The following ATP10A variants were observed in gnomAD, a reference collection of about 807,000 sequenced individuals.
ATP10A encodes the protein ATPase phospholipid transporting 10A (putative).
ATP10A carries 111 observed loss-of-function variants against 147.8 expected under a neutral mutation model. The observed-to-expected ratio is 0.75, with a 90% confidence interval of 0.64 to 0.88. The LOEUF is 0.88. Among genes scored for constraint, ATP10A ranks in the 40% least tolerant of loss-of-function variants. The probability of loss-of-function intolerance (pLI) is 0.00; values close to 1 mark genes in which losing one functional copy is unlikely to be tolerated. For missense variants in ATP10A, 1,927 were observed against 1,959.0 expected, an observed-to-expected ratio of 0.98 and a Z score of 0.31; for synonymous variants, 875 against 841.6, an observed-to-expected ratio of 1.04 and a Z score of -0.69.
chr15:25,827,678 G>A (rs1051276394), intron 1 of ATP10A, among the ~76,000 whole-genome samples: 3 of 152,130 alleles, frequency 2.0e-5, no homozygotes, highest in Non-Finnish European at 4.4e-5. Flanking sequence ...AGATAAAAAT[G>A]GCACACAAGC....
chr15:25,727,410 C>T, intron 3 of ATP10A, 144 bp from the exon 4 acceptor site: 1 of 680,068 alleles, frequency 1.5e-6, no homozygotes, highest in Non-Finnish European at 2.5e-6. Flanking sequence ...ACAGGGGGCC[C>T]CCGAGAGTGG....
At chr15:25,730,389 T>C (rs11630831) in intron 3 of ATP10A, among the ~76,000 whole-genome samples, 144,666 of 151,436 alleles carry the variant, frequency 0.96, 69,415 homozygotes, top group East Asian at 1. Context: ...TGCTCCCTCC[T>C]AGAGAGGCAG....
chr15:25,688,839 G>A (rs1899848068), intron 15 of ATP10A, among the ~76,000 whole-genome samples: 1 of 152,158 alleles, frequency 6.6e-6, no homozygotes, highest in Non-Finnish European at 1.5e-5. Flanking sequence ...TCTACCTCTT[G>A]CTGTCAACAC....
At chr15:25,715,332 G>C (rs1340424201) in intron 9 of ATP10A, among the ~76,000 whole-genome samples, 2 of 152,128 alleles carry the variant, frequency 1.3e-5, no homozygotes, top group South Asian at 4.1e-4. Flanking sequence ...CTCGAAGGTG[G>C]CGCTCACCAA....
At chr15:25,835,944 G>C (rs967467234) in intron 1 of ATP10A, among the ~76,000 whole-genome samples, 25 of 152,314 alleles carry the variant, frequency 1.6e-4, no homozygotes, top group African/African-American at 5.5e-4. Flanking sequence ...CTCCCGAGTA[G>C]CTGGGACCAC....
At chr15:25,771,911 C>T (rs1889358685) in intron 2 of ATP10A, among the ~76,000 whole-genome samples, 1 of 152,022 alleles carries the variant, frequency 6.6e-6, no homozygotes, top group African/African-American at 2.4e-5. Flanking sequence ...CACCACCACG[C>T]CTGGATAATT....
At chr15:25,780,849 A>C (rs1247477985) in intron 2 of ATP10A, among the ~76,000 whole-genome samples, 170 bp downstream of exon 2, 1 of 152,208 alleles carries the variant, frequency 6.6e-6, no homozygotes, top group African/African-American at 2.4e-5. Context: ...CAGGCGGGTC[A>C]TGGGCTCAGG....
At chr15:25,690,158 A>G (rs969198552) in intron 15 of ATP10A, among the ~76,000 whole-genome samples, 1 of 152,012 alleles carries the variant, frequency 6.6e-6, no homozygotes, top group Non-Finnish European at 1.5e-5. Context: ...CAAACAGTTG[A>G]TAAACACGCA....
intron 2 of ATP10A, among the ~76,000 whole-genome samples, chr15:25,772,884 T>A (rs1374287917): frequency 6.6e-6 from 1 of 152,140 alleles, no homozygotes; most frequent in African/African-American, 2.4e-5. Flanking sequence ...AAGGGCTTTG[T>A]GAAAACTGAC....
rs1164872966 is a variant in ATP10A, at chr15:25,820,674, G to A, written c.450-39451C>T. On this transcript the variant is annotated intron_variant, in intron 1 of 20. Transcript: ENST00000555815. ...AATGTTTTAAAAAGAGTACAATAAA[G>A]GTCGAATTTTATGTGGTAAAGAAGA... is the stretch of plus-strand genomic sequence containing the variant. Among the ~76,000 whole-genome samples the A allele has an allele frequency of 9.2e-5, 14 of 152,244 alleles. No individual in the cohort carries two copies. The East Asian group carries it at 2.7e-3, about 29-fold the overall frequency.
At chr15:25,706,026 C>T (rs989793735) in intron 12 of ATP10A, among the ~76,000 whole-genome samples, 6 of 152,106 alleles carry the variant, frequency 3.9e-5, no homozygotes, top group South Asian at 2.1e-4. Context: ...CGCTGATGAC[C>T]GGGATCCCGA....
At chr15:25,743,069 G>A (rs762873594) in intron 2 of ATP10A, among the ~76,000 whole-genome samples, 5 of 152,190 alleles carry the variant, frequency 3.3e-5, no homozygotes, top group South Asian at 2.1e-4. Context: ...TGTGCACAGC[G>A]TAAGAGGGGT....
intron 8 of ATP10A, 30 bp downstream of exon 8, chr15:25,718,152 G>A: frequency 1.3e-6 from 2 of 1,597,134 alleles, no homozygotes; most frequent in East Asian, 2.2e-5. Flanking sequence ...AGACGTGGCA[G>A]CACCCTAGCA....
At chr15:25,726,454 T>A (rs1902558441) in intron 4 of ATP10A, among the ~76,000 whole-genome samples, 1 of 151,432 alleles carries the variant, frequency 6.6e-6, no homozygotes, top group African/African-American at 2.4e-5. Context: ...TTTCTTTTTT[T>A]TTTTTGAGAT....
In ATP10A at chr15:25,862,399, C is replaced by T. The variant is rs371001985; in HGVS notation, c.449+249G>A. 3,714 of 658,012 alleles carry T rather than the reference C, an allele frequency of 5.6e-3. 140 individuals carry two copies. The South Asian group carries it at 0.057, about 10-fold the overall frequency. 40.8% of individuals were successfully genotyped at this position (658,012 alleles called of 1,614,324 possible). A position where few individuals can be genotyped will look rare whatever the true frequency, so the allele number is the denominator to read the frequency against. Reference sequence around the variant, plus strand: ...CCTTGGGATCATTCTGGCCCCGACACGGAGTGACAGGGGATCCCCACGCGT... The same window carrying T: ...CCTTGGGATCATTCTGGCCCCGACATGGAGTGACAGGGGATCCCCACGCGT... On this transcript the variant is annotated intron_variant, in intron 1 of 20. Coordinates refer to ENST00000555815, the MANE Select transcript of ATP10A (RefSeq NM_024490.4).
chr15:25,861,589 C>T (rs974094527), intron 1 of ATP10A, among the ~76,000 whole-genome samples: 2 of 152,174 alleles, frequency 1.3e-5, no homozygotes, highest in Admixed American at 1.3e-4. Flanking sequence ...GCCACTCTGA[C>T]CCTCCTCTTT....
chr15:25,744,982 C>A (rs191880819), intron 2 of ATP10A, among the ~76,000 whole-genome samples: 176 of 152,244 alleles, frequency 1.2e-3, no homozygotes, highest in African/African-American at 3.9e-3. Context: ...GGAGATTATA[C>A]CTAGGCACAT....
At position 25,712,063 on chromosome 15, in the gene ATP10A, T is replaced by A. The variant is rs552650088; in HGVS notation, c.2344+1611A>T. Among the ~76,000 whole-genome samples, 81 of 152,246 alleles carry A rather than the reference T, an allele frequency of 5.3e-4. 1 individual carries two copies. Among genetic ancestry groups the A allele is most frequent in the Middle Eastern group, 3.4e-3 (1 of 294 alleles). ...GGCCCTGCCTCTTGATAATGCTCTA[T>A]CCACTCTGGGAAGGTACCAGAAAAG... On this transcript the variant is annotated intron_variant, in intron 10 of 20. Transcript: ENST00000555815.
At chr15:25,692,005 G>A (rs542042869) in intron 14 of ATP10A, among the ~76,000 whole-genome samples, 3 of 152,220 alleles carry the variant, frequency 2.0e-5, no homozygotes, top group East Asian at 3.9e-4. Context: ...TTCGGAAAGC[G>A]GGCTGGAGCT....
Sources: allele counts gnomAD v4.1 joint callset (sites outside exome capture counted in the v4.1 genomes callset), GRCh38; gene constraint gnomAD v4.1.1; transcripts MANE v1.5; gene names NCBI Gene and HGNC (gene_info 2026-07-23, HGNC 2026-07-21).